TAFA2: variants seen among roughly 807,000 people sequenced by gnomAD.
The protein encoded by TAFA2 is chemokine-like protein TAFA-2.
In TAFA2, 7 loss-of-function variants were observed where a neutral mutation model predicts 18.8. The ratio of observed to expected loss-of-function variants is 0.37; its 90% CI spans 0.21 to 0.70. The LOEUF (loss-of-function observed/expected upper bound fraction) is 0.70. Ranked by LOEUF, TAFA2 falls within the 30% of genes least tolerant of loss-of-function variation. The probability of loss-of-function intolerance (pLI) is 0.53; values close to 1 mark genes in which losing one functional copy is unlikely to be tolerated. For missense variants in TAFA2, 122 were observed against 158.1 expected (o/e 0.77, Z 1.23); for synonymous variants, 60 against 54.2 (o/e 1.11, Z -0.47).
intron 1 of TAFA2, among the ~76,000 whole-genome samples, chr12:62,239,635 C>G (rs1230735754): frequency 2.0e-5 from 3 of 152,104 alleles, no homozygotes; most frequent in African/African-American, 7.2e-5. Context: ...ACCTAGCCAC[C>G]ATGTTGTGAA....
At chr12:61,906,354 A>G (rs1421776441) in intron 1 of TAFA2, among the ~76,000 whole-genome samples, 1 of 152,130 alleles carries the variant, frequency 6.6e-6, no homozygotes, top group East Asian at 1.9e-4. Context: ...AAGTCTCACG[A>G]GATCTGATGG....
intron 1 of TAFA2, among the ~76,000 whole-genome samples, chr12:61,877,918 T>TACACACACACAC (rs796244007): frequency 1.3e-5 from 1 of 78,534 alleles, no homozygotes; most frequent in Non-Finnish European, 2.7e-5. Context: ...TATATATATA[T>TACACACACACAC]ATATATACAC....
intron 1 of TAFA2, among the ~76,000 whole-genome samples, chr12:61,933,383 A>G (rs1877641488): frequency 6.6e-6 from 1 of 152,128 alleles, no homozygotes; most frequent in African/African-American, 2.4e-5. Flanking sequence ...AACATAATAA[A>G]GTTACTGGTG....
At chr12:62,258,748 G>A (rs1484063623) in intron 1 of TAFA2, 1 of 370,424 alleles carries the variant, frequency 2.7e-6, no homozygotes, top group Non-Finnish European at 5.4e-6. Context: ...AGGTTGAAGT[G>A]AGGTTTGAAC....
intron 1 of TAFA2, among the ~76,000 whole-genome samples, chr12:61,974,532 T>G (rs1879362345): frequency 6.6e-6 from 1 of 151,824 alleles, no homozygotes; most frequent in Non-Finnish European, 1.5e-5. Context: ...TATATTTCAA[T>G]GGAAGTTTTA....
chr12:61,853,706 C>T (rs1261140668), intron 2 of TAFA2, among the ~76,000 whole-genome samples: 1 of 152,134 alleles, frequency 6.6e-6, no homozygotes, highest in Admixed American at 6.5e-5. Context: ...GGCTGCCCTT[C>T]CACCAACCTG....
intron 1 of TAFA2, among the ~76,000 whole-genome samples, chr12:62,220,383 A>G (rs1048845319): frequency 6.6e-6 from 1 of 152,266 alleles, no homozygotes; most frequent in Admixed American, 6.5e-5. Context: ...GGTCAAAATC[A>G]AAACATTACA....
At chr12:62,068,450 T>A (rs191348764) in intron 1 of TAFA2, among the ~76,000 whole-genome samples, 2 of 152,262 alleles carry the variant, frequency 1.3e-5, no homozygotes, top group East Asian at 3.9e-4. Flanking sequence ...AACTCACCTC[T>A]GCTCTCTTTT....
upstream of TAFA2, among the ~76,000 whole-genome samples, chr12:62,197,682 T>C (rs1474546525): frequency 6.6e-6 from 1 of 152,232 alleles, no homozygotes; most frequent in East Asian, 1.9e-4. Context: ...CCACAGTTTA[T>C]ATAAATTGAA....
chr12:62,118,426 T>C (rs1041205162), intron 1 of TAFA2, among the ~76,000 whole-genome samples: 2 of 152,130 alleles, frequency 1.3e-5, no homozygotes, highest in African/African-American at 2.4e-5. Flanking sequence ...CAAGTGGCAA[T>C]GATGTTAACA....
chr12:61,974,884 G>A (rs1279491074), intron 1 of TAFA2, among the ~76,000 whole-genome samples: 3 of 151,698 alleles, frequency 2.0e-5, no homozygotes, highest in Non-Finnish European at 3.0e-5. Context: ...TGAGTTCATC[G>A]AAGTATCAGC....
intron 1 of TAFA2, among the ~76,000 whole-genome samples, chr12:62,089,476 T>C (rs1868615322): frequency 6.6e-6 from 1 of 151,982 alleles, no homozygotes; most frequent in African/African-American, 2.4e-5. Flanking sequence ...ATTTCAGTAA[T>C]TGTTTTTTGT....
intron 2 of TAFA2, among the ~76,000 whole-genome samples, chr12:61,792,044 A>T (rs1340805006): frequency 6.6e-6 from 1 of 151,586 alleles, no homozygotes; most frequent in Non-Finnish European, 1.5e-5. Flanking sequence ...AGAAAAAATA[A>T]TTTGTTTTCA....
chr12:62,137,795 G>A (rs1309679808), intron 1 of TAFA2, among the ~76,000 whole-genome samples: 3 of 152,042 alleles, frequency 2.0e-5, no homozygotes, highest in Non-Finnish European at 2.9e-5. Flanking sequence ...GATGCTTTAA[G>A]AACAAAAGTT....
chr12:62,202,821 C>CCTTTTTTTTTTTTTTTT (rs368047311), intron 1 of TAFA2, among the ~76,000 whole-genome samples: 1 of 61,626 alleles, frequency 1.6e-5, no homozygotes, highest in African/African-American at 5.9e-5. Flanking sequence ...CTGTGTGGTT[C>CCTTTTTTTTTTTTTTTT]TTTTTTTTTT....
At chr12:61,758,298 T>G (rs905730128) in intron 2 of TAFA2, among the ~76,000 whole-genome samples, 12 of 151,870 alleles carry the variant, frequency 7.9e-5, no homozygotes, top group African/African-American at 2.9e-4. Flanking sequence ...TCAAGGGAAT[T>G]TTTTTAAACG....
At chr12:61,977,739 A>G (rs1236002460) in intron 1 of TAFA2, among the ~76,000 whole-genome samples, 1 of 152,042 alleles carries the variant, frequency 6.6e-6, no homozygotes, top group Non-Finnish European at 1.5e-5. Flanking sequence ...GTATGAAACC[A>G]TTCTCACACT....
At chr12:61,943,694 G>A (rs1878139248) in intron 1 of TAFA2, among the ~76,000 whole-genome samples, 1 of 152,028 alleles carries the variant, frequency 6.6e-6, no homozygotes, top group South Asian at 2.1e-4. Context: ...ACAAAGATCA[G>A]AAGAGACAAA....
intron 1 of TAFA2, among the ~76,000 whole-genome samples, chr12:62,088,865 T>G (rs909124708): frequency 6.6e-6 from 1 of 150,892 alleles, no homozygotes; most frequent in Non-Finnish European, 1.5e-5. Flanking sequence ...AAATACCTGC[T>G]ACATATGTTT....
Sources: gnomAD v4.1 joint callset for allele counts (sites outside exome capture counted in the v4.1 genomes callset) on GRCh38, gnomAD v4.1.1 for gene constraint, MANE v1.5 for transcripts, NCBI Gene and HGNC (gene_info 2026-07-23, HGNC 2026-07-21) for gene names.